PHACTR3: variants seen among roughly 807,000 people sequenced by gnomAD.
PHACTR3 encodes the protein phosphatase and actin regulator 3.
PHACTR3 carries 16 observed loss-of-function variants against 66.8 expected under a neutral mutation model. That is an observed-to-expected ratio of 0.24 (90% CI 0.16 to 0.36). The LOEUF (loss-of-function observed/expected upper bound fraction) is 0.36, where lower values mean the gene tolerates loss of function less well. Among genes scored for constraint, PHACTR3 ranks in the 10% least tolerant of loss-of-function variants. The probability of loss-of-function intolerance (pLI) is 1.00; values close to 1 mark genes in which losing one functional copy is unlikely to be tolerated. For synonymous variants in PHACTR3, 323 were observed against 292.1 expected (o/e 1.11, Z -1.08); for missense variants, 647 against 719.9 (o/e 0.90, Z 1.16).
intron 1 of PHACTR3, among the ~76,000 whole-genome samples, chr20:59,626,154 TCAAC>T (rs2034438292): frequency 6.6e-6 from 1 of 152,168 alleles, no homozygotes; most frequent in African/African-American, 2.4e-5. Flanking sequence ...CGTCAGCCAT[TCAAC>T]AAATATTTAC....
chr20:59,660,232 C>A (rs550350420), intron 1 of PHACTR3, among the ~76,000 whole-genome samples: 2 of 152,176 alleles, frequency 1.3e-5, no homozygotes, highest in Non-Finnish European at 2.9e-5. Context: ...CAGTGGCTCA[C>A]GCCTGTAATC....
chr20:59,665,935 G>A (rs1436549822), intron 1 of PHACTR3, among the ~76,000 whole-genome samples: 2 of 152,172 alleles, frequency 1.3e-5, no homozygotes, highest in Admixed American at 6.5e-5. Flanking sequence ...GTGGGCATTG[G>A]GCAACCCAGG....
At chr20:59,604,385 T>G (rs143130942), upstream of PHACTR3, among the ~76,000 whole-genome samples, 5,122 of 151,394 alleles carry the variant, frequency 0.034, 108 homozygotes, top group Middle Eastern at 0.078. Context: ...GTCCAGCCCC[T>G]CCTCCCCCAC....
intron 1 of PHACTR3, among the ~76,000 whole-genome samples, chr20:59,618,788 G>A (rs2034126456): frequency 6.6e-6 from 1 of 151,596 alleles, no homozygotes; most frequent in East Asian, 1.9e-4. Context: ...CCGAGAGCCT[G>A]AGAGGTGCTG....
intron 8 of PHACTR3, among the ~76,000 whole-genome samples, chr20:59,817,519 A>T (rs1490334569): frequency 6.6e-6 from 1 of 152,276 alleles, no homozygotes; most frequent in Non-Finnish European, 1.5e-5. Flanking sequence ...AATAGTATTA[A>T]CCCATGACTC....
intron 1 of PHACTR3, among the ~76,000 whole-genome samples, chr20:59,734,412 G>A (rs1175980168): frequency 6.6e-6 from 1 of 151,906 alleles, no homozygotes; most frequent in African/African-American, 2.4e-5. Flanking sequence ...TAACCACACC[G>A]AGCTAATTTT....
intron 8 of PHACTR3, among the ~76,000 whole-genome samples, chr20:59,812,010 C>T (rs567289511): frequency 5.3e-5 from 8 of 152,192 alleles, no homozygotes; most frequent in African/African-American, 9.7e-5. Context: ...CACTCCTGGG[C>T]GAGCTGTCAC....
At chr20:59,624,050 G>T (rs2034360555) in intron 1 of PHACTR3, among the ~76,000 whole-genome samples, 1 of 152,150 alleles carries the variant, frequency 6.6e-6, no homozygotes, top group African/African-American at 2.4e-5. Flanking sequence ...GGAGCTGCTG[G>T]TGTGTCGCCT....
intron 8 of PHACTR3, chr20:59,835,952 G>C (rs940142189): frequency 6.6e-6 from 1 of 152,408 alleles, no homozygotes; most frequent in African/African-American, 2.4e-5. Flanking sequence ...CACTCCCCCT[G>C]TGCTGGGCTG....
At chr20:59,793,078 G>A (rs1412301121) in intron 7 of PHACTR3, among the ~76,000 whole-genome samples, 4 of 151,624 alleles carry the variant, frequency 2.6e-5, no homozygotes, top group Non-Finnish European at 4.4e-5. Context: ...TTGTAGAGAC[G>A]AGGTCTCACT....
chr20:59,632,268 T>G (rs2034693780), intron 1 of PHACTR3, among the ~76,000 whole-genome samples: 1 of 152,138 alleles, frequency 6.6e-6, no homozygotes, highest in Non-Finnish European at 1.5e-5. Context: ...TCAGTCCCCT[T>G]GCGTCTGGCT....
chr20:59,659,641 G>T (rs12625107), intron 1 of PHACTR3, among the ~76,000 whole-genome samples: 16,944 of 152,066 alleles, frequency 0.11, 1,081 homozygotes, highest in East Asian at 0.25. Context: ...AAAGTGCTGG[G>T]ATTACAGGTG....
At chr20:59,661,598 A>C (rs1366199658) in intron 1 of PHACTR3, among the ~76,000 whole-genome samples, 3 of 152,176 alleles carry the variant, frequency 2.0e-5, no homozygotes, top group African/African-American at 7.2e-5. Flanking sequence ...CACAATGTGT[A>C]CCAGCAAATG....
At chr20:59,660,164 C>T (rs191688277) in intron 1 of PHACTR3, among the ~76,000 whole-genome samples, 382 of 152,296 alleles carry the variant, frequency 2.5e-3, no homozygotes, top group African/African-American at 8.8e-3. Flanking sequence ...TGCTTTACCT[C>T]CAGGAAGACC....
chr20:59,685,362 G>A (rs546369905), intron 1 of PHACTR3, among the ~76,000 whole-genome samples: 13 of 152,316 alleles, frequency 8.5e-5, no homozygotes, highest in Admixed American at 2.0e-4. Flanking sequence ...CTGGCAGCAC[G>A]GACTTGGGAG....
chr20:59,781,315 G>A (rs949136874), intron 7 of PHACTR3, among the ~76,000 whole-genome samples: 7 of 152,230 alleles, frequency 4.6e-5, no homozygotes, highest in Non-Finnish European at 8.8e-5. Flanking sequence ...GGAGAAACAA[G>A]CCTCAAGAAG....
chr20:59,733,004 T>C (rs1365087883), intron 1 of PHACTR3, among the ~76,000 whole-genome samples: 2 of 151,898 alleles, frequency 1.3e-5, no homozygotes, highest in African/African-American at 2.4e-5. Context: ...AAAAAGCCTA[T>C]AAGCTTTTAG....
At chr20:59,804,241 C>T (rs1261375535) in intron 7 of PHACTR3, among the ~76,000 whole-genome samples, 5 of 152,120 alleles carry the variant, frequency 3.3e-5, no homozygotes, top group Non-Finnish European at 1.5e-5. Flanking sequence ...GAATGACTTG[C>T]TCCTAGCACA....
At chr20:59,742,141 C>T (rs1004645086) in intron 1 of PHACTR3, among the ~76,000 whole-genome samples, 15 of 152,346 alleles carry the variant, frequency 9.8e-5, no homozygotes, top group African/African-American at 3.4e-4. Context: ...CACCCCTGTT[C>T]GCACACTGGT....
Sources: gnomAD v4.1 joint callset for allele counts (sites outside exome capture counted in the v4.1 genomes callset) on GRCh38, gnomAD v4.1.1 for gene constraint, MANE v1.5 for transcripts, NCBI Gene and HGNC (gene_info 2026-07-23, HGNC 2026-07-21) for gene names.